The following CACNA1E variants were observed in gnomAD, a reference collection of about 807,000 sequenced individuals.
CACNA1E encodes the protein calcium voltage-gated channel subunit alpha1 E.
CACNA1E carries 40 observed loss-of-function variants against 259.2 expected under a neutral mutation model. The ratio of observed to expected loss-of-function variants is 0.15; its 90% CI spans 0.12 to 0.20. The LOEUF is 0.20. Among genes scored for constraint, CACNA1E ranks in the 10% least tolerant of loss-of-function variants. CACNA1E has a pLI of 1.00. For missense variants in CACNA1E, 1,874 were observed against 3,040.1 expected, an observed-to-expected ratio of 0.62 and a Z score of 9.02; for synonymous variants, 1,104 against 1,138.5, an observed-to-expected ratio of 0.97 and a Z score of 0.61.
intron 1 of CACNA1E, among the ~76,000 whole-genome samples, chr1:181,398,994 A>C (rs1656891171): frequency 6.6e-6 from 1 of 152,208 alleles, no homozygotes; most frequent in South Asian, 2.1e-4. Flanking sequence ...TGTCTACACT[A>C]TGAGGACATA....
rs545969150 is a variant in CACNA1E, at chr1:181,733,475, C to T, written c.2987C>T (p.Ala996Val). Residue 996 changes from alanine to valine, a missense_variant, in exon 21 of 48, where the codon GCA (alanine) becomes GTA (valine). Ala to Val is a moderately conservative substitution (Grantham distance 64). Coordinates refer to ENST00000367573, the MANE Select transcript of CACNA1E (RefSeq NM_001205293.3). ...ATGGTGTCCAGAGGCTCCGGGCTGG[C>T]AGGAGGCCTTGATGAGGCTGACACC... ...SLMVSRGSGL[A>V]GGLDEADTPL... The T allele has an allele frequency of 1.1e-5, 17 of 1,561,698 alleles. No homozygotes were observed. The African/African-American group carries it at 1.5e-4, about 14-fold the overall frequency.
intron 1 of CACNA1E, among the ~76,000 whole-genome samples, chr1:181,356,915 A>G (rs2804698): frequency 0.022 from 3,366 of 152,214 alleles, 115 homozygotes; most frequent in African/African-American, 0.076. Flanking sequence ...GGTTGCTCGA[A>G]TGGATTCTAA....
chr1:181,766,666 T>G, intron 35 of CACNA1E, 55 bp downstream of exon 35: 1 of 1,361,704 alleles, frequency 7.3e-7, no homozygotes, highest in Non-Finnish European at 1.0e-6. Context: ...AGATAATCTC[T>G]GGCTTAGCAA....
intron 7 of CACNA1E, among the ~76,000 whole-genome samples, chr1:181,702,688 G>T (rs745599154): frequency 3.9e-5 from 6 of 151,906 alleles, no homozygotes; most frequent in Non-Finnish European, 8.8e-5. Flanking sequence ...CCACAGCTTT[G>T]CCCTGGTCAT....
intron 1 of CACNA1E, among the ~76,000 whole-genome samples, chr1:181,386,643 G>A (rs939446506): frequency 6.6e-6 from 1 of 152,192 alleles, no homozygotes. Flanking sequence ...TATAACTGAG[G>A]AACTGAGTTT....
intron 2 of CACNA1E, among the ~76,000 whole-genome samples, chr1:181,469,018 T>C (rs1662326070): frequency 6.6e-6 from 1 of 152,142 alleles, no homozygotes; most frequent in Non-Finnish European, 1.5e-5. Flanking sequence ...ACTAGAAAAC[T>C]CATTCATTCA....
At chr1:181,796,512 A>C (rs1661817346) in intron 46 of CACNA1E, among the ~76,000 whole-genome samples, 156 bp from the exon 47 acceptor site, 1 of 152,160 alleles carries the variant, frequency 6.6e-6, no homozygotes, top group Non-Finnish European at 1.5e-5. Flanking sequence ...GGAACAAATT[A>C]GGCCTCAACA....
chr1:181,355,306 G>A (rs1653338979), intron 1 of CACNA1E, among the ~76,000 whole-genome samples: 1 of 152,196 alleles, frequency 6.6e-6, no homozygotes, highest in Non-Finnish European at 1.5e-5. Context: ...AATGAGTACA[G>A]GCCGGGCATG....
intron 1 of CACNA1E, among the ~76,000 whole-genome samples, chr1:181,329,305 A>G (rs541422227): frequency 3.4e-4 from 52 of 151,518 alleles, no homozygotes; most frequent in Admixed American, 1.8e-3. Context: ...CAATCTCTCC[A>G]CTTCCTCTCT....
intron 1 of CACNA1E, among the ~76,000 whole-genome samples, chr1:181,408,781 C>T (rs1046300223): frequency 1.3e-5 from 2 of 152,200 alleles, no homozygotes; most frequent in Non-Finnish European, 2.9e-5. Context: ...TAGAGTCAGA[C>T]TGGTGCTCTC....
intron 7 of CACNA1E, among the ~76,000 whole-genome samples, chr1:181,686,452 A>G (rs1022630710): frequency 6.6e-6 from 1 of 151,434 alleles, no homozygotes. Context: ...ATGCCTGGCT[A>G]ATTTTGTGTT....
rs1194539734 is a variant in CACNA1E, at chr1:181,719,843, A to G, written c.1731A>G (p.Leu577=). ...GTGTCTTGCGAGCCCTCCGGCTTCT[A>G]AGAATATTTAAAATAACCAAGTAAG... The part of the protein sequence containing the change: ...GISVLRALRL[L]RIFKITKYWA... Residue 577 remains leucine, a synonymous_variant, in exon 13 of 48, where the codon CTA becomes CTG. Coordinates refer to ENST00000367573, the MANE Select transcript of CACNA1E (RefSeq NM_001205293.3). 1 of 1,573,826 alleles carries G rather than the reference A, an allele frequency of 6.4e-7. No homozygotes were observed. Among genetic ancestry groups the G allele is most frequent in the East Asian group, 2.3e-5 (1 of 43,592 alleles).
At chr1:181,445,440 G>A (rs978914911) in intron 2 of CACNA1E, among the ~76,000 whole-genome samples, 5 of 152,168 alleles carry the variant, frequency 3.3e-5, no homozygotes, top group African/African-American at 1.2e-4. Flanking sequence ...ATGCTTCTGG[G>A]TTTCAGGGCT....
chr1:181,372,859 A>G (rs936255772), intron 1 of CACNA1E, among the ~76,000 whole-genome samples: 1 of 150,722 alleles, frequency 6.6e-6, no homozygotes, highest in Admixed American at 6.6e-5. Flanking sequence ...GATATTGAAT[A>G]TTATCAAAAG....
At chr1:181,555,659 C>T (rs1360500247) in intron 3 of CACNA1E, among the ~76,000 whole-genome samples, 1 of 152,172 alleles carries the variant, frequency 6.6e-6, no homozygotes, top group Non-Finnish European at 1.5e-5. Context: ...AAACTCAGAG[C>T]CAGCAGTCAT....
rs1204101996 is a variant in CACNA1E, at chr1:181,776,760, A to G, written c.5267+532A>G. 6.6e-6 allele frequency among the ~76,000 whole-genome samples: 1 copy of G among 152,230 alleles called. No homozygotes were observed. The highest frequency in any genetic ancestry group is 1.5e-5 in the Non-Finnish European group (1 of 68,048). On this transcript the variant is annotated intron_variant, in intron 38 of 47. Transcript: ENST00000367573. The surrounding 1 kb of genome is among the most constrained non-coding windows in gnomAD (Gnocchi z 4.4). ...ATTTTTATTACATGGAACTAAATTAAATGGTAGGAATTGGTGAAGATAACT... is the reference window on the plus strand; with the variant it reads ...ATTTTTATTACATGGAACTAAATTAGATGGTAGGAATTGGTGAAGATAACT...
Position 181,733,647 on chromosome 1 carries a change from C to A in CACNA1E, c.3159C>A (p.Leu1053=). 1 of 1,612,884 alleles carries A rather than the reference C, an allele frequency of 6.2e-7. No homozygotes were observed. Among genetic ancestry groups the A allele is most frequent in the Non-Finnish European group, 8.5e-7 (1 of 1,179,478 alleles). Residue 1053 remains leucine, a synonymous_variant, in exon 21 of 48, where the codon CTC becomes CTA. Coordinates refer to ENST00000367573, the MANE Select transcript of CACNA1E (RefSeq NM_001205293.3). ...TCATCAGCCAGAGCGAGCCTGACCT[C>A]TCCTGCATCACGGCCAACACGGACA... ...GRVISQSEPD[L]SCITANTDKA...
chr1:181,512,097 G>A (rs1438255102), intron 3 of CACNA1E, among the ~76,000 whole-genome samples: 3 of 152,186 alleles, frequency 2.0e-5, no homozygotes, highest in African/African-American at 7.2e-5. Flanking sequence ...ACGACATTGG[G>A]GCTGACCCAG....
chr1:181,787,041 G>A (rs899900721), intron 43 of CACNA1E, among the ~76,000 whole-genome samples: 1 of 151,958 alleles, frequency 6.6e-6, no homozygotes, highest in Non-Finnish European at 1.5e-5. Flanking sequence ...TTTATCTTCT[G>A]CTTGTGTAGG....
Sources: allele counts gnomAD v4.1 joint callset (sites outside exome capture counted in the v4.1 genomes callset), GRCh38; gene constraint gnomAD v4.1.1; non-coding constraint Gnocchi (gnomAD v3.1); transcripts MANE v1.5; gene names NCBI Gene and HGNC (gene_info 2026-07-23, HGNC 2026-07-21).